The following USP24 variants were observed in gnomAD, a reference collection of about 807,000 sequenced individuals.
The protein encoded by USP24 is ubiquitin specific peptidase 24, also known as ubiquitin carboxyl-terminal hydrolase 24.
Under a neutral mutation model 361.6 loss-of-function variants are expected in USP24, and 97 were observed. The observed-to-expected ratio is 0.27, with a 90% CI of 0.23 to 0.32. The LOEUF (loss-of-function observed/expected upper bound fraction) is 0.32, where lower values mean the gene tolerates loss of function less well. Ranked by LOEUF, USP24 falls within the 10% of genes least tolerant of loss-of-function variation. The pLI is 1.00. For missense variants in USP24, 2,353 were observed against 3,165.6 expected (o/e 0.74, Z 6.16); for synonymous variants, 1,098 against 1,124.6 (o/e 0.98, Z 0.47).
chr1:55,110,860 A>C lies in USP24; in HGVS notation c.4509-614T>G, dbSNP rs530096856. Among the ~76,000 whole-genome samples the C allele has an allele frequency of 3.9e-5, 6 of 152,254 alleles. No individual in the cohort carries two copies. In the South Asian group the frequency reaches 1.2e-3, roughly 32 times the overall value. On this transcript the variant is annotated intron_variant, in intron 38 of 67. Coordinates refer to ENST00000294383, the MANE Select transcript of USP24 (RefSeq NM_015306.3). ...TCCCATGGACAACTACTTCACTTTT[A>C]ACTTTTAGTTTTCTAACTTCTAAAA...
intron 32 of USP24, among the ~76,000 whole-genome samples, chr1:55,128,953 C>A (rs984975867): frequency 6.6e-6 from 1 of 152,038 alleles, no homozygotes; most frequent in Admixed American, 6.6e-5. Context: ...CTCTTGGGCT[C>A]AAGCAATCCT....
chr1:55,162,801 C>G (rs574424678), intron 7 of USP24, among the ~76,000 whole-genome samples: 51 of 152,152 alleles, frequency 3.4e-4, no homozygotes, highest in African/African-American at 1.2e-3. Context: ...ACAGCAGAAC[C>G]TGACAGGTTG....
intron 67 of USP24, chr1:55,070,992 G>T: frequency 3.5e-6 from 1 of 284,596 alleles, no homozygotes. Context: ...AAATGAAGTA[G>T]GTGATGAGGT....
At chr1:55,127,011 T>C (rs550165003) in intron 32 of USP24, among the ~76,000 whole-genome samples, 2 of 152,330 alleles carry the variant, frequency 1.3e-5, no homozygotes, top group South Asian at 2.1e-4. Flanking sequence ...AGTTAACCTA[T>C]GAAGAGTCTT....
intron 56 of USP24, 110 bp downstream of exon 56, chr1:55,085,832 T>C: frequency 9.0e-7 from 1 of 1,106,438 alleles, no homozygotes; most frequent in Non-Finnish European, 1.3e-6. Context: ...AAGGTGTATT[T>C]ATGTGGCAAA....
chr1:55,186,065 T>C (rs1278822197), intron 1 of USP24, among the ~76,000 whole-genome samples: 1 of 152,046 alleles, frequency 6.6e-6, no homozygotes, highest in African/African-American at 2.4e-5. Flanking sequence ...ATCAAGAACT[T>C]CCCACAAAGG....
At chr1:55,209,638 A>C (rs1182955695) in intron 1 of USP24, among the ~76,000 whole-genome samples, 6 of 152,214 alleles carry the variant, frequency 3.9e-5, no homozygotes, top group Non-Finnish European at 7.3e-5. Context: ...TTTTTTGTTA[A>C]GTTTAAACAC....
intron 17 of USP24, among the ~76,000 whole-genome samples, chr1:55,148,128 A>G (rs1274985306): frequency 6.6e-6 from 1 of 152,170 alleles, no homozygotes; most frequent in Non-Finnish European, 1.5e-5. Context: ...TAGTACTTTA[A>G]GCAAACTAAT....
Position 55,206,813 on chromosome 1 carries a change from TAGTGTTGCTATTCAC to T in USP24, c.324+7962_324+7976del, listed in dbSNP as rs1644719257. On this transcript the variant is annotated intron_variant, in intron 1 of 67. Coordinates refer to ENST00000294383, the MANE Select transcript of USP24 (RefSeq NM_015306.3). ...CTAGAATAACACAGACAATTAATAA[TAGTGTTGCTATTCAC>T]AGAGTACCTTCATATTTTCTAGGAT... is the stretch of plus-strand genomic sequence containing the variant. Among the ~76,000 whole-genome samples the T allele has an allele frequency of 4.6e-5, 7 of 152,186 alleles. No homozygotes were observed. The South Asian group carries it at 1.5e-3, about 32-fold the overall frequency.
At position 55,156,965 on chromosome 1, in the gene USP24, T is replaced by C; in HGVS notation, c.1429A>G (p.Lys477Glu). 1 of 1,612,708 alleles carries C rather than the reference T, an allele frequency of 6.2e-7. No individual in the cohort carries two copies. Among genetic ancestry groups the C allele is most frequent in the Non-Finnish European group, 8.5e-7 (1 of 1,179,038 alleles). Reference protein sequence around the residue: ...GSKLSLDELTKIWKIQSGQSS... With the variant: ...GSKLSLDELTEIWKIQSGQSS... ...CAACCTACCTGTATCTTCCAAATTTTAGTGAGTTCATCTAACGACAATTTA... is the reference window on the plus strand; with the variant it reads ...CAACCTACCTGTATCTTCCAAATTTCAGTGAGTTCATCTAACGACAATTTA... Residue 477 changes from lysine to glutamate, a missense_variant, in exon 12 of 68, where the codon AAA becomes GAA. Lys to Glu is a moderately conservative substitution (Grantham distance 56, BLOSUM62 1). Coordinates refer to ENST00000294383, the MANE Select transcript of USP24 (RefSeq NM_015306.3).
intron 1 of USP24, among the ~76,000 whole-genome samples, chr1:55,194,885 GCTTA>G (rs1207096868): frequency 6.6e-6 from 1 of 152,126 alleles, no homozygotes; most frequent in Non-Finnish European, 1.5e-5. Flanking sequence ...AGCCAAGCCT[GCTTA>G]CTTGAGGTCT....
intron 20 of USP24, among the ~76,000 whole-genome samples, chr1:55,144,476 C>CCCAG (rs1181399268): frequency 2.0e-5 from 3 of 152,042 alleles, no homozygotes; most frequent in African/African-American, 7.2e-5. Flanking sequence ...GGAGCTAGTA[C>CCCAG]CCAGAATATA....
chr1:55,081,462 C>A, intron 58 of USP24, 38 bp from the exon 59 acceptor site: 1 of 1,575,566 alleles, frequency 6.3e-7, no homozygotes, highest in South Asian at 1.1e-5. Flanking sequence ...TTAGTGTTGT[C>A]GTCAGAAATA....
chr1:55,191,865 C>G (rs1211527041), intron 1 of USP24, among the ~76,000 whole-genome samples: 1 of 152,126 alleles, frequency 6.6e-6, no homozygotes, highest in East Asian at 1.9e-4. Context: ...AATCTACCCC[C>G]ACACAGTTTA....
intron 66 of USP24, 97 bp downstream of exon 66, chr1:55,072,220 T>A (rs185342131): frequency 1.0e-6 from 1 of 967,994 alleles, no homozygotes; most frequent in East Asian, 2.6e-5. Flanking sequence ...CATCTTCAAC[T>A]CATACCTCTC....
rs768392274 is a variant in USP24, at chr1:55,132,571, T to G, written c.3511A>C (p.Thr1171Pro). 6 of 1,613,530 alleles carry G rather than the reference T, an allele frequency of 3.7e-6. No homozygotes were observed. The East Asian group carries it at 1.3e-4, about 36-fold the overall frequency. The change falls in exon 31 of 68, where the codon ACC (threonine) becomes CCC (proline). Residue 1171 changes from threonine (T) to proline (P), a missense_variant. Physicochemically the swap from Thr to Pro is conservative, Grantham distance 38. Around this residue, in one of 8 missense-constraint regions of USP24, gnomAD observed 949 missense variants for 1,280.5 expected, o/e 0.74. Transcript: ENST00000294383. Reference sequence around the variant, plus strand: ...TCTAAGTTGTAGAGCACTCTGAAGGTAGACATTCCCGGGGCAAAAGATCGA... The same window carrying G: ...TCTAAGTTGTAGAGCACTCTGAAGGGAGACATTCCCGGGGCAAAAGATCGA... ...LFRSFAPGMS[T>P]FRVLYNLEVL...
chr1:55,141,472 T>A (rs1269899838), intron 24 of USP24, 144 bp downstream of exon 24: 1 of 734,522 alleles, frequency 1.4e-6, no homozygotes, highest in Non-Finnish European at 2.2e-6. Context: ...ATGGGGAACA[T>A]GTAATTCTCA....
intron 1 of USP24, among the ~76,000 whole-genome samples, chr1:55,206,714 G>A (rs980891436): frequency 2.0e-5 from 3 of 148,528 alleles, no homozygotes; most frequent in African/African-American, 7.4e-5. Flanking sequence ...TAGTAACAGT[G>A]AGGATAGAGG....
chr1:55,149,436 T>G (rs1346757661), intron 16 of USP24, among the ~76,000 whole-genome samples: 1 of 152,176 alleles, frequency 6.6e-6, no homozygotes, highest in East Asian at 1.9e-4. Flanking sequence ...TGAGCCTTAG[T>G]GTAAGATGAA....
Sources: gnomAD v4.1 joint callset for allele counts (sites outside exome capture counted in the v4.1 genomes callset) on GRCh38, gnomAD v4.1.1 for gene constraint, gnomAD v4.1.1 regional missense constraint, MANE v1.5 for transcripts, NCBI Gene and HGNC (gene_info 2026-07-23, HGNC 2026-07-21) for gene names.